CTNNA3: variants seen among roughly 807,000 people sequenced by gnomAD.
CTNNA3 encodes the protein catenin alpha-3.
In CTNNA3, 76 loss-of-function variants were observed where a neutral mutation model predicts 95.7. That is an observed-to-expected ratio of 0.79 (90% CI 0.66 to 0.96). The LOEUF is 0.96. CTNNA3 is among the 40% of genes least tolerant of loss of function. The pLI is 0.00. For synonymous variants in CTNNA3, 431 were observed against 374.4 expected (o/e 1.15, Z -1.74); for missense variants, 1,191 against 1,089.8 (o/e 1.09, Z -1.31).
At position 67,187,526 on chromosome 10, in the gene CTNNA3, C is replaced by A. The variant is rs7079068; in HGVS notation, c.844-7006G>T. ...CATAGTCTTTCTCTCTCATCATTTT[C>A]TTTCTCTCTCTTTATCTCTCTCTCT... On this transcript the variant is annotated intron_variant, in intron 6 of 17. Coordinates refer to ENST00000433211, the MANE Select transcript of CTNNA3 (RefSeq NM_013266.4). Among the ~76,000 whole-genome samples, 776 of 151,546 alleles carry A rather than the reference C, an allele frequency of 5.1e-3. 6 individuals are homozygous for A. The highest frequency in any genetic ancestry group is 0.018 in the African/African-American group (726 of 40,944).
chr10:66,580,397 C>T (rs182636755), intron 10 of CTNNA3, among the ~76,000 whole-genome samples: 8 of 151,730 alleles, frequency 5.3e-5, no homozygotes, highest in Admixed American at 5.3e-4. Context: ...TTATCTCAAA[C>T]ATTTATCATT....
In CTNNA3 at chr10:67,370,372, TTATC is replaced by T. The variant is rs59941850; in HGVS notation, c.580-150506_580-150503del. Among the ~76,000 whole-genome samples, 2,706 of 152,270 alleles carry T rather than the reference TTATC, an allele frequency of 0.018. 204 individuals are homozygous for T. The East Asian group carries it at 0.24, about 13-fold the overall frequency. On this transcript the variant is annotated intron_variant, in intron 5 of 17. Transcript: ENST00000433211. ...TTTGAAGTGACAGGTAACTGGGTAA[TTATC>T]TATACTCTGCTTTTACCATGTATTT...
intron 11 of CTNNA3, among the ~76,000 whole-genome samples, chr10:66,508,073 C>G (rs1446922643): frequency 2.0e-5 from 3 of 151,474 alleles, no homozygotes; most frequent in Non-Finnish European, 4.4e-5. Context: ...GGGTTTGTTT[C>G]TTAAATAACT....
At position 66,364,507 on chromosome 10, in the gene CTNNA3, A is replaced by C. The variant is rs138220392; in HGVS notation, c.1732+14645T>G. On this transcript the variant is annotated intron_variant, in intron 12 of 17. Coordinates refer to ENST00000433211, the MANE Select transcript of CTNNA3 (RefSeq NM_013266.4). ...AACAACACTTTTTTATATTTTGGAC[A>C]TTTTTTCTTTGGTTATTTTATATTT... Among the ~76,000 whole-genome samples the C allele has an allele frequency of 5.3e-5, 8 of 152,086 alleles. No individual in the cohort carries two copies. In the East Asian group the frequency reaches 7.7e-4, roughly 15 times the overall value.
At chr10:66,645,426 A>G (rs1418390581) in intron 9 of CTNNA3, among the ~76,000 whole-genome samples, 2 of 152,150 alleles carry the variant, frequency 1.3e-5, no homozygotes, top group Non-Finnish European at 2.9e-5. Context: ...TTTGCTGCCT[A>G]TAGGTGTCAA....
rs148542493 is a variant in CTNNA3, at chr10:67,174,437, C to T, written c.1047+5880G>A. On this transcript the variant is annotated intron_variant, in intron 7 of 17. Transcript: ENST00000433211. ...GATATTCTATGCCAGATCTACGTGA[C>T]ACCAAACTTAACTTGTCAAGAAGGA... Among the ~76,000 whole-genome samples the T allele has an allele frequency of 1.4e-3, 207 of 152,212 alleles. 1 individual carries two copies. Among genetic ancestry groups the T allele is most frequent in the African/African-American group, 4.6e-3 (193 of 41,548 alleles).
intron 7 of CTNNA3, among the ~76,000 whole-genome samples, chr10:67,043,140 T>C (rs867348122): frequency 5.1e-4 from 77 of 150,792 alleles, no homozygotes; most frequent in African/African-American, 1.3e-3. Flanking sequence ...TCTTTCTTTT[T>C]TTTTTTTTTT....
At chr10:67,071,972 G>A (rs1856492339) in intron 7 of CTNNA3, among the ~76,000 whole-genome samples, 1 of 151,890 alleles carries the variant, frequency 6.6e-6, no homozygotes, top group South Asian at 2.1e-4. Flanking sequence ...TTATTTTTTT[G>A]AGACACAGTC....
At chr10:66,604,338 G>A (rs779644800) in intron 10 of CTNNA3, among the ~76,000 whole-genome samples, 1 of 152,152 alleles carries the variant, frequency 6.6e-6, no homozygotes, top group Non-Finnish European at 1.5e-5. Flanking sequence ...ACATTCGCCA[G>A]CAGGGGCCCC....
At chr10:66,250,833 T>A (rs1589852709) in intron 13 of CTNNA3, among the ~76,000 whole-genome samples, 1 of 152,320 alleles carries the variant, frequency 6.6e-6, no homozygotes, top group East Asian at 1.9e-4. Context: ...TTTTTCTCTA[T>A]CTTTTAGCTT....
intron 12 of CTNNA3, among the ~76,000 whole-genome samples, chr10:66,364,175 A>AAT (rs957327252): frequency 1.1e-4 from 17 of 149,482 alleles, no homozygotes; most frequent in South Asian, 8.4e-4. Context: ...ATATATATAT[A>AAT]ATATATATAT....
chr10:67,227,597 G>A (rs1864986841), intron 5 of CTNNA3, among the ~76,000 whole-genome samples: 1 of 152,106 alleles, frequency 6.6e-6, no homozygotes, highest in East Asian at 1.9e-4. Flanking sequence ...CAATAATAGT[G>A]GGGGACTTCA....
chr10:67,201,357 C>G (rs1904647), intron 6 of CTNNA3, among the ~76,000 whole-genome samples: 55,685 of 152,136 alleles, frequency 0.37, 14,591 homozygotes, highest in African/African-American at 0.75. Flanking sequence ...TGCACATACT[C>G]CTTTTCCATC....
intron 16 of CTNNA3, among the ~76,000 whole-genome samples, chr10:65,968,259 C>T (rs1013421783): frequency 3.3e-5 from 5 of 151,838 alleles, no homozygotes; most frequent in African/African-American, 1.2e-4. Context: ...AGGTGTGGTC[C>T]CAGCTATTCA....
intron 5 of CTNNA3, among the ~76,000 whole-genome samples, chr10:67,314,476 T>C (rs1840957197): frequency 6.6e-6 from 1 of 152,208 alleles, no homozygotes; most frequent in African/African-American, 2.4e-5. Context: ...TTTATTTTAG[T>C]ATATAATTTA....
At chr10:66,793,552 A>G (rs557195324) in intron 7 of CTNNA3, among the ~76,000 whole-genome samples, 2 of 152,224 alleles carry the variant, frequency 1.3e-5, no homozygotes, top group African/African-American at 4.8e-5. Flanking sequence ...TACACCAGGA[A>G]CTATGCTATT....
chr10:66,894,794 TG>T (rs1200616287), intron 7 of CTNNA3, among the ~76,000 whole-genome samples: 2 of 151,960 alleles, frequency 1.3e-5, no homozygotes, highest in African/African-American at 4.8e-5. Flanking sequence ...CTATGCAGTT[TG>T]GGCTTTATTT....
In CTNNA3 at chr10:67,539,581, G is replaced by A. The variant is rs1315282447; in HGVS notation, c.381C>T (p.Ala127=). The change falls in exon 4 of 18, where the codon GCC becomes GCT. Residue 127 remains alanine (A), a synonymous_variant. Transcript: ENST00000433211. ...GGAGTCTCGTCACCGCAGCCAGCAA[G>A]GCACGGGCAGCTTGAACCACAGCCT... The part of the protein sequence containing the change: ...KREAVVQAAR[A]LLAAVTRLLI... The A allele has an allele frequency of 1.2e-6, 2 of 1,613,890 alleles. No individual in the cohort carries two copies. Among genetic ancestry groups the A allele is most frequent in the Non-Finnish European group, 1.7e-6 (2 of 1,179,824 alleles).
At chr10:66,571,822 A>C (rs1842874751) in intron 10 of CTNNA3, among the ~76,000 whole-genome samples, 1 of 152,164 alleles carries the variant, frequency 6.6e-6, no homozygotes, top group South Asian at 2.1e-4. Flanking sequence ...TAAATCTATA[A>C]TGACCCTATG....
Sources: allele counts gnomAD v4.1 joint callset (sites outside exome capture counted in the v4.1 genomes callset), GRCh38; gene constraint gnomAD v4.1.1; transcripts MANE v1.5; gene names NCBI Gene and HGNC (gene_info 2026-07-23, HGNC 2026-07-21).